Variants in CNTNAP5 observed in about 807,000 individuals in gnomAD.
CNTNAP5 encodes contactin-associated protein-like 5.
A neutral mutation model predicts 150.2 loss-of-function variants in CNTNAP5; 72 were observed. The ratio of observed to expected loss-of-function variants is 0.48; its 90% CI spans 0.40 to 0.58. CNTNAP5 has a LOEUF of 0.58. CNTNAP5 is among the 20% of genes least tolerant of loss of function. CNTNAP5 has a pLI of 0.00. For missense variants in CNTNAP5, 1,636 were observed against 1,626.2 expected (o/e 1.01, Z -0.10); for synonymous variants, 672 against 619.8 (o/e 1.08, Z -1.25).
chr2:124,623,045 G>A (rs1298266829), intron 12 of CNTNAP5, among the ~76,000 whole-genome samples: 4 of 152,140 alleles, frequency 2.6e-5, no homozygotes, highest in Admixed American at 6.6e-5. Context: ...TGAAGCTTCT[G>A]CCCTGTATGC....
intron 19 of CNTNAP5, among the ~76,000 whole-genome samples, chr2:124,819,913 C>T (rs1370330931): frequency 6.6e-6 from 1 of 152,160 alleles, no homozygotes; most frequent in Non-Finnish European, 1.5e-5. Context: ...ATGCTTTCTC[C>T]ATGTAGGCTC....
At chr2:124,860,456 C>CTTCT (rs1677494428) in intron 19 of CNTNAP5, among the ~76,000 whole-genome samples, 1 of 20,552 alleles carries the variant, frequency 4.9e-5, no homozygotes, top group African/African-American at 1.2e-4. Context: ...TCCTTCTTTC[C>CTTCT]TTCCTTCCTT....
At position 124,786,349 on chromosome 2, in the gene CNTNAP5, A is replaced by C. The variant is rs550658057; in HGVS notation, c.2753-3553A>C. Reference sequence around the variant, plus strand: ...AGAAAGAAAGAGAAAGAAAGAAAGAAAGGAAGAAAGAAAGAAAGAAAGAAA... The same window carrying C: ...AGAAAGAAAGAGAAAGAAAGAAAGACAGGAAGAAAGAAAGAAAGAAAGAAA... On this transcript the variant is annotated intron_variant, in intron 17 of 23. Coordinates refer to ENST00000682447, the MANE Select transcript of CNTNAP5 (RefSeq NM_001367498.1). Among the ~76,000 whole-genome samples the C allele has an allele frequency of 5.2e-5, 5 of 96,578 alleles. No individual in the cohort carries two copies. The East Asian group carries it at 1.2e-3, about 23-fold the overall frequency. 63.4% of individuals were successfully genotyped at this position (96,578 alleles called of 152,430 possible).
intron 1 of CNTNAP5, among the ~76,000 whole-genome samples, chr2:124,062,204 A>G (rs1682027903): frequency 1.3e-5 from 2 of 152,180 alleles, no homozygotes; most frequent in South Asian, 4.1e-4. Flanking sequence ...CCTTTGTCCT[A>G]CATGCAAAAC....
At chr2:124,864,218 A>T (rs1221856804) in intron 19 of CNTNAP5, among the ~76,000 whole-genome samples, 2 of 152,268 alleles carry the variant, frequency 1.3e-5, no homozygotes, top group African/African-American at 2.4e-5. Context: ...ACATTTTTTT[A>T]AATTTTATTT....
At chr2:124,706,890 A>AGAGGAAGAAGGAGAAGGAGAAGAG (rs1201058230) in intron 13 of CNTNAP5, among the ~76,000 whole-genome samples, 1 of 103,154 alleles carries the variant, frequency 9.7e-6, no homozygotes, top group East Asian at 2.9e-4. Context: ...AAGAAGAGGA[A>AGAGGAAGAAGGAGAAGGAGAAGAG]GAGGAAGAAG....
At chr2:124,052,133 G>A (rs193206075) in intron 1 of CNTNAP5, among the ~76,000 whole-genome samples, 13 of 152,234 alleles carry the variant, frequency 8.5e-5, no homozygotes, top group Non-Finnish European at 1.3e-4. Flanking sequence ...TTTTATCCTG[G>A]AGTGGTGACA....
At chr2:124,709,690 T>C (rs923401389) in intron 13 of CNTNAP5, among the ~76,000 whole-genome samples, 1 of 152,188 alleles carries the variant, frequency 6.6e-6, no homozygotes, top group Non-Finnish European at 1.5e-5. Flanking sequence ...TACAAGTTAA[T>C]ACGTGGTCCT....
chr2:124,444,508 T>C (rs1436771757), intron 5 of CNTNAP5, among the ~76,000 whole-genome samples: 1 of 152,016 alleles, frequency 6.6e-6, no homozygotes, highest in Non-Finnish European at 1.5e-5. Context: ...GGCAGGAGAA[T>C]CGCTTGAACC....
intron 3 of CNTNAP5, among the ~76,000 whole-genome samples, chr2:124,394,962 T>C (rs566020943): frequency 6.6e-6 from 1 of 152,280 alleles, no homozygotes; most frequent in Non-Finnish European, 1.5e-5. Flanking sequence ...AAATACATAA[T>C]AAAATTCTCT....
chr2:124,227,041 A>ACATT (rs2104747461), intron 2 of CNTNAP5, among the ~76,000 whole-genome samples: 1 of 152,286 alleles, frequency 6.6e-6, no homozygotes, highest in Admixed American at 6.5e-5. Context: ...CAATACTGCC[A>ACATT]CATTGGGGAT....
intron 1 of CNTNAP5, among the ~76,000 whole-genome samples, chr2:124,195,142 T>C (rs1366158784): frequency 6.6e-6 from 1 of 152,178 alleles, no homozygotes; most frequent in African/African-American, 2.4e-5. Context: ...GAGAATTCAC[T>C]GAACATTTAT....
At chr2:124,218,296 C>T (rs1483107604) in intron 1 of CNTNAP5, among the ~76,000 whole-genome samples, 1 of 152,068 alleles carries the variant, frequency 6.6e-6, no homozygotes, top group African/African-American at 2.4e-5. Flanking sequence ...GCTTCCATTC[C>T]CGTTTACTAG....
At chr2:124,169,758 T>C (rs1684888678) in intron 1 of CNTNAP5, among the ~76,000 whole-genome samples, 1 of 152,206 alleles carries the variant, frequency 6.6e-6, no homozygotes, top group South Asian at 2.1e-4. Context: ...GCTCTTAGAC[T>C]CAGACTTAGC....
At chr2:124,786,360 A>G (rs868291630) in intron 17 of CNTNAP5, among the ~76,000 whole-genome samples, 123 of 54,608 alleles carry the variant, frequency 2.3e-3, no homozygotes, top group Middle Eastern at 8.5e-3. Flanking sequence ...AGGAAGAAAG[A>G]AAGAAAGAAA....
In CNTNAP5 at chr2:124,887,328, T is replaced by G. The variant is rs192956055; in HGVS notation, c.3437-15554T>G. ...GTGTTTCATAATACACTTCTTCTGA[T>G]TAGTAATGCATCACAGGTGGTAGAC... On this transcript the variant is annotated intron_variant, in intron 21 of 23. Coordinates refer to ENST00000682447, the MANE Select transcript of CNTNAP5 (RefSeq NM_001367498.1). Among the ~76,000 whole-genome samples, 3 of 152,160 alleles carry G rather than the reference T, an allele frequency of 2.0e-5. No individual in the cohort carries two copies. In the East Asian group the frequency reaches 5.8e-4, roughly 30 times the overall value.
At chr2:124,909,336 GT>G (rs1177314469) in intron 22 of CNTNAP5, among the ~76,000 whole-genome samples, 2 of 152,144 alleles carry the variant, frequency 1.3e-5, no homozygotes, top group Non-Finnish European at 2.9e-5. Flanking sequence ...ATACAGGCGT[GT>G]AGCCTGGGGG....
intron 13 of CNTNAP5, among the ~76,000 whole-genome samples, chr2:124,656,565 A>C (rs542082261): frequency 3.9e-5 from 6 of 152,302 alleles, no homozygotes; most frequent in African/African-American, 1.4e-4. Context: ...TCTTACCAAC[A>C]AGGTGGATAA....
rs140404605 is a variant in CNTNAP5, at chr2:124,915,363, G to GA, written c.*1084dup. On this transcript the variant is annotated 3_prime_UTR_variant, in exon 24 of 24. Coordinates refer to ENST00000682447, the MANE Select transcript of CNTNAP5 (RefSeq NM_001367498.1). Reference sequence around the variant, plus strand: ...AACAAAAATTAAATCAGGAAAAAATGAAAAAAAAACTGCATGAAAGAAGAA... The same window carrying GA: ...AACAAAAATTAAATCAGGAAAAAATGAAAAAAAAAACTGCATGAAAGAAGAA... The GA allele has an allele frequency of 3.9e-4, 64 of 163,466 alleles. No homozygotes were observed. The East Asian group carries it at 4.2e-3, about 11-fold the overall frequency. 10.1% of individuals were successfully genotyped at this position (163,466 alleles called of 1,614,324 possible).
Sources: gnomAD v4.1 joint callset for allele counts (sites outside exome capture counted in the v4.1 genomes callset) on GRCh38, gnomAD v4.1.1 for gene constraint, MANE v1.5 for transcripts, NCBI Gene and HGNC (gene_info 2026-07-23, HGNC 2026-07-21) for gene names.